Variants in HIVEP1 observed in about 807,000 individuals in gnomAD.
HIVEP1 encodes HIVEP zinc finger 1, also known as zinc finger protein 40.
Under a neutral mutation model 180.0 loss-of-function variants are expected in HIVEP1, and 36 were observed. The observed-to-expected ratio is 0.20, with a 90% CI of 0.15 to 0.26. HIVEP1 has a LOEUF of 0.26. Ranked by LOEUF, HIVEP1 falls within the 10% of genes least tolerant of loss-of-function variation. The probability of loss-of-function intolerance (pLI) is 1.00; values close to 1 mark genes in which losing one functional copy is unlikely to be tolerated. For synonymous variants in HIVEP1, 1,239 were observed against 1,239.0 expected, an observed-to-expected ratio of 1.00 and a Z score of 0.00; for missense variants, 3,143 against 3,268.7, an observed-to-expected ratio of 0.96 and a Z score of 0.94.
the HIVEP1 span, among the ~76,000 whole-genome samples, chr6:12,179,514 C>T: frequency 0.12 from 18,309 of 152,124 alleles, 1,209 homozygotes; most frequent in Middle Eastern, 0.22. Flanking sequence ...GCTCCATCCT[C>T]CTTAAAAATA....
chr6:12,149,369 A>G (rs556756857), intron 7 of HIVEP1, among the ~76,000 whole-genome samples: 1 of 152,276 alleles, frequency 6.6e-6, no homozygotes, highest in East Asian at 1.9e-4. Context: ...TTGTGTTTTT[A>G]GGTTTATAGG....
chr6:12,186,207 G>A, the HIVEP1 span, among the ~76,000 whole-genome samples: 1 of 151,498 alleles, frequency 6.6e-6, no homozygotes, highest in Non-Finnish European at 1.5e-5. Flanking sequence ...TGTATATTCA[G>A]CAAGTAAGTA....
chr6:12,198,275 T>A, the HIVEP1 span, among the ~76,000 whole-genome samples: 2 of 152,208 alleles, frequency 1.3e-5, no homozygotes, highest in Non-Finnish European at 2.9e-5. Context: ...TGGTATAAGA[T>A]GAACAGCATA....
intron 2 of HIVEP1, among the ~76,000 whole-genome samples, chr6:12,018,116 C>T (rs1281519958): frequency 6.6e-6 from 1 of 152,212 alleles, no homozygotes; most frequent in African/African-American, 2.4e-5. Flanking sequence ...ACCAGTGGGC[C>T]GGCACTGCTG....
intron 2 of HIVEP1, among the ~76,000 whole-genome samples, chr6:12,087,231 A>G (rs1338241302): frequency 4.6e-5 from 7 of 152,150 alleles, no homozygotes; most frequent in Non-Finnish European, 4.4e-5. Context: ...TAAACAAGTT[A>G]TTTTTGTAAG....
Position 12,015,644 on chromosome 6 carries a change from C to T in HIVEP1, c.16C>T (p.Gln6Ter). 1 of 1,613,450 alleles carries T rather than the reference C, an allele frequency of 6.2e-7. No homozygotes were observed. The highest frequency in any genetic ancestry group is 8.5e-7 in the Non-Finnish European group (1 of 1,179,648). The change falls in exon 2 of 9, where the codon CAA becomes TAA. Residue 6 changes from glutamine (Q) to a stop codon, truncating the protein, a stop_gained. Coordinates refer to ENST00000379388, the MANE Select transcript of HIVEP1 (RefSeq NM_002114.4). LOFTEE classifies it high-confidence loss of function. ...GTCAAAGAAGATGCCTCGAACTAAA[C>T]AAATTCATCCCAGAAATCTAAGAGG... is the stretch of plus-strand genomic sequence containing the variant. MPRTK[Q>*]IHPRNLRDKI... is the part of the protein sequence containing the mutation.
the HIVEP1 span, among the ~76,000 whole-genome samples, chr6:12,187,627 G>C: frequency 0.46 from 68,356 of 148,322 alleles, 16,707 homozygotes; most frequent in African/African-American, 0.64. Context: ...GAGTCTCACT[G>C]TGTTGCCCAG....
Position 12,141,199 on chromosome 6 carries a change from G to C in HIVEP1, c.6487+5307G>C, listed in dbSNP as rs376511068. Among the ~76,000 whole-genome samples the C allele has an allele frequency of 7.2e-5, 11 of 152,278 alleles. No individual in the cohort carries two copies. The East Asian group carries it at 1.7e-3, about 24-fold the overall frequency. ...GGCAGAAACTCTACAAGCCAGAAGA[G>C]AGTGGGGGCTGGTATTCAGCATTCT... On this transcript the variant is annotated intron_variant, in intron 7 of 8. Coordinates refer to ENST00000379388, the MANE Select transcript of HIVEP1 (RefSeq NM_002114.4).
intron 2 of HIVEP1, among the ~76,000 whole-genome samples, chr6:12,036,249 A>G (rs1455788431): frequency 1.3e-5 from 2 of 152,242 alleles, no homozygotes; most frequent in Non-Finnish European, 2.9e-5. Flanking sequence ...AAACAGTAGA[A>G]GTGCCTTAAA....
At chr6:12,102,691 T>C (rs993365051) in intron 3 of HIVEP1, among the ~76,000 whole-genome samples, 2 of 152,174 alleles carry the variant, frequency 1.3e-5, no homozygotes, top group Non-Finnish European at 2.9e-5. Flanking sequence ...CTACAATTCC[T>C]CCAAGAAAAA....
intron 2 of HIVEP1, among the ~76,000 whole-genome samples, chr6:12,016,773 A>G (rs1274896384): frequency 1.3e-5 from 2 of 152,202 alleles, no homozygotes; most frequent in Non-Finnish European, 2.9e-5. Flanking sequence ...GTCATATAGA[A>G]AACGTTGAAA....
At chr6:12,059,672 T>A (rs911599876) in intron 2 of HIVEP1, among the ~76,000 whole-genome samples, 9 of 152,148 alleles carry the variant, frequency 5.9e-5, no homozygotes, top group Admixed American at 3.3e-4. Context: ...TGAGTCTTTT[T>A]CTGCTGTGGA....
intron 2 of HIVEP1, among the ~76,000 whole-genome samples, chr6:12,027,535 T>C (rs1048712055): frequency 5.3e-5 from 8 of 152,272 alleles, no homozygotes; most frequent in African/African-American, 1.7e-4. Context: ...TAAATTGTAC[T>C]GTCTCCATCT....
chr6:12,108,605 G>A (rs1439507880), intron 3 of HIVEP1, among the ~76,000 whole-genome samples: 2 of 152,248 alleles, frequency 1.3e-5, no homozygotes, highest in Non-Finnish European at 2.9e-5. Flanking sequence ...GGGGGACCCA[G>A]TACACCCTCT....
intron 3 of HIVEP1, among the ~76,000 whole-genome samples, chr6:12,093,798 T>C (rs540298849): frequency 3.2e-4 from 48 of 152,218 alleles, no homozygotes; most frequent in African/African-American, 1.1e-3. Flanking sequence ...TCTTGATATA[T>C]ACAGTGTGCA....
chr6:12,145,092 T>A (rs1421283754), intron 7 of HIVEP1, among the ~76,000 whole-genome samples: 6 of 152,186 alleles, frequency 3.9e-5, no homozygotes, highest in Admixed American at 3.9e-4. Flanking sequence ...GCGGCACTAT[T>A]AACAATAGCA....
At chr6:12,160,317 C>G (rs186754296) in intron 7 of HIVEP1, among the ~76,000 whole-genome samples, 1 of 152,132 alleles carries the variant, frequency 6.6e-6, no homozygotes, top group South Asian at 2.1e-4. Context: ...CTGATACTAA[C>G]GACTTTTAGA....
chr6:12,112,132 T>C (rs1774936575), intron 3 of HIVEP1, among the ~76,000 whole-genome samples: 1 of 152,250 alleles, frequency 6.6e-6, no homozygotes, highest in African/African-American at 2.4e-5. Context: ...GAAAAAAATC[T>C]TGCTATGGCC....
At position 12,122,410 on chromosome 6, in the gene HIVEP1, G is replaced by T. The variant is rs770757554; in HGVS notation, c.2615G>T (p.Gly872Val). 155 of 1,614,034 alleles carry T rather than the reference G, an allele frequency of 9.6e-5. No individual in the cohort carries two copies. Among genetic ancestry groups the T allele is most frequent in the Non-Finnish European group, 1.5e-5 (18 of 1,180,026 alleles). Residue 872 changes from glycine (G) to valine (V), a missense_variant, in exon 4 of 9, where the codon GGC becomes GTC. This residue lies in a region of HIVEP1 where 204 missense variants were observed against 243.7 expected (regional missense o/e 0.84). Transcript: ENST00000379388. ...AGTCAGTCATTTGATGACAAAATTG[G>T]CGCTTTCTATGATGATGTCTTTGTA... ...RGSQSFDDKI[G>V]AFYDDVFVSG...
Sources: gnomAD v4.1 joint callset for allele counts (sites outside exome capture counted in the v4.1 genomes callset) on GRCh38, gnomAD v4.1.1 for gene constraint, gnomAD v4.1.1 regional missense constraint, MANE v1.5 for transcripts, NCBI Gene and HGNC (gene_info 2026-07-23, HGNC 2026-07-21) for gene names.